Variants in ELAVL4 observed in about 807,000 individuals in gnomAD.
The protein encoded by ELAVL4 is ELAV like RNA binding protein 4.
In ELAVL4, 1 loss-of-function variant was observed where a neutral mutation model predicts 35.6. The ratio of observed to expected loss-of-function variants is 0.03; its 90% CI spans 0.01 to 0.13. The LOEUF (loss-of-function observed/expected upper bound fraction) is 0.13, where lower values mean the gene tolerates loss of function less well. Ranked by LOEUF, ELAVL4 falls within the 10% of genes least tolerant of loss-of-function variation. The pLI is 1.00. For synonymous variants in ELAVL4, 156 were observed against 171.0 expected (o/e 0.91, Z 0.69); for missense variants, 267 against 464.9 (o/e 0.57, Z 3.91).
In ELAVL4 at chr1:50,048,849, G is replaced by T. The variant is rs76506653; in HGVS notation, c.18+667G>T. 4.5e-4 allele frequency among the ~76,000 whole-genome samples: 69 copies of T among 152,338 alleles called. No homozygotes were observed. The East Asian group carries it at 8.5e-3, about 19-fold the overall frequency. On this transcript the variant is annotated intron_variant, in intron 1 of 6. Coordinates refer to the ELAVL4 transcript ENST00000448907. The stretch of plus-strand genomic sequence containing the variant: ...GAGGAAGAAGGAGCCTCAAGTGTTC[G>T]TAGGGTGTACCTGTGTATGTTGTAA...
upstream of ELAVL4, among the ~76,000 whole-genome samples, chr1:50,104,712 G>A (rs982396384): frequency 2.0e-5 from 3 of 152,188 alleles, no homozygotes; most frequent in African/African-American, 7.2e-5. Flanking sequence ...ATAGAATGGT[G>A]TTGCATGCTT....
chr1:50,135,963 T>C (rs754055576), intron 1 of ELAVL4, among the ~76,000 whole-genome samples: 15 of 152,166 alleles, frequency 9.9e-5, no homozygotes, highest in Admixed American at 3.3e-4. Context: ...TCTCAGCTCC[T>C]CCCCTTGGGT....
intron 1 of ELAVL4, chr1:50,144,699 A>G: frequency 1.5e-6 from 1 of 661,082 alleles, no homozygotes; most frequent in Non-Finnish European, 2.8e-6. Flanking sequence ...TTAGCTTTTC[A>G]TTAACAAAAT....
At chr1:50,142,511 A>AGATTT (rs1452635965) in intron 1 of ELAVL4, among the ~76,000 whole-genome samples, 2 of 152,178 alleles carry the variant, frequency 1.3e-5, no homozygotes, top group Non-Finnish European at 2.9e-5. Context: ...CCTAGAACTC[A>AGATTT]GATTTTAAAT....
At chr1:50,093,287 T>C (rs1665571516) in intron 1 of ELAVL4, among the ~76,000 whole-genome samples, 1 of 152,176 alleles carries the variant, frequency 6.6e-6, no homozygotes, top group Non-Finnish European at 1.5e-5. Context: ...TGGTGGCCTT[T>C]CTTTCTTTTC....
chr1:50,110,752 A>G (rs923196680), intron 1 of ELAVL4, among the ~76,000 whole-genome samples: 1 of 152,180 alleles, frequency 6.6e-6, no homozygotes, highest in African/African-American at 2.4e-5. Context: ...CATAGATGTT[A>G]TAACAAAGCT....
intron 1 of ELAVL4, among the ~76,000 whole-genome samples, chr1:50,087,892 T>C (rs1665322290): frequency 6.6e-6 from 1 of 152,246 alleles, no homozygotes; most frequent in South Asian, 2.1e-4. Flanking sequence ...AATACATTTC[T>C]TTTGTTTAAA....
At chr1:50,106,272 G>C (rs1666297269), upstream of ELAVL4, 1 of 1,598,864 alleles carries the variant, frequency 6.3e-7, no homozygotes, top group Admixed American at 1.7e-5. Context: ...GGCTGCCGGC[G>C]ACTGATGCTG....
chr1:50,190,373 C>T (rs890184669), intron 3 of ELAVL4, among the ~76,000 whole-genome samples: 9 of 152,196 alleles, frequency 5.9e-5, no homozygotes, highest in African/African-American at 2.2e-4. Context: ...GAATTTAATA[C>T]ATGTATATGG....
chr1:50,135,035 A>G (rs995196445), intron 1 of ELAVL4, among the ~76,000 whole-genome samples: 1 of 152,114 alleles, frequency 6.6e-6, no homozygotes, highest in Non-Finnish European at 1.5e-5. Context: ...TTAAATTTTG[A>G]TTATGCTTTT....
At chr1:50,137,131 A>T (rs151039095) in intron 1 of ELAVL4, among the ~76,000 whole-genome samples, 1 of 152,312 alleles carries the variant, frequency 6.6e-6, no homozygotes, top group Non-Finnish European at 1.5e-5. Context: ...TCTACACTGA[A>T]GTATTCCAAA....
intron 1 of ELAVL4, chr1:50,115,096 G>A (rs1017521960): frequency 2.0e-5 from 3 of 151,814 alleles, no homozygotes; most frequent in African/African-American, 7.3e-5. Context: ...AGCTCCAGCT[G>A]TCTCTTTCTC....
At chr1:50,157,822 T>C (rs1442448882) in intron 2 of ELAVL4, among the ~76,000 whole-genome samples, 1 of 152,206 alleles carries the variant, frequency 6.6e-6, no homozygotes, top group African/African-American at 2.4e-5. Flanking sequence ...TGTCCACATG[T>C]TGCCCATTTG....
At chr1:50,174,503 A>ATTTTTTTTTTTTTTT (rs1679633770) in intron 2 of ELAVL4, 1 of 117,704 alleles carries the variant, frequency 8.5e-6, no homozygotes. Flanking sequence ...TTTTTTTTTC[A>ATTTTTTTTTTTTTTT]TTTTCCCAAA....
At chr1:50,182,235 A>G (rs75611017) in intron 3 of ELAVL4, among the ~76,000 whole-genome samples, 260 of 152,374 alleles carry the variant, frequency 1.7e-3, no homozygotes, top group African/African-American at 6.1e-3. Flanking sequence ...GAAAATTAGT[A>G]CCTTCAAAAG....
chr1:50,187,019 G>A (rs1166646656), intron 3 of ELAVL4, among the ~76,000 whole-genome samples: 1 of 152,198 alleles, frequency 6.6e-6, no homozygotes, highest in Non-Finnish European at 1.5e-5. Flanking sequence ...CCTGCTCCTA[G>A]AGGTGGGATT....
chr1:50,062,716 T>C (rs1664055757), intron 1 of ELAVL4, among the ~76,000 whole-genome samples: 1 of 152,142 alleles, frequency 6.6e-6, no homozygotes, highest in Non-Finnish European at 1.5e-5. Context: ...ATTCTACCAT[T>C]CTCTTGAGAG....
chr1:50,055,992 C>A (rs1379662889), intron 1 of ELAVL4, among the ~76,000 whole-genome samples: 1 of 152,156 alleles, frequency 6.6e-6, no homozygotes, highest in Non-Finnish European at 1.5e-5. Context: ...ACTTTGCTCT[C>A]TTATGCAACT....
chr1:50,197,603 T>A, intron 6 of ELAVL4, 136 bp downstream of exon 6: 1 of 749,754 alleles, frequency 1.3e-6, no homozygotes, highest in Non-Finnish European at 2.0e-6. Flanking sequence ...GTCAAATTCT[T>A]AATTTTAATT....
Sources: gnomAD v4.1 joint callset for allele counts (sites outside exome capture counted in the v4.1 genomes callset) on GRCh38, gnomAD v4.1.1 for gene constraint, MANE v1.5 for transcripts, NCBI Gene and HGNC (gene_info 2026-07-23, HGNC 2026-07-21) for gene names.